The following METTL24 variants were observed in gnomAD, a reference collection of about 807,000 sequenced individuals.
The protein encoded by METTL24 is methyltransferase like 24, also known as probable methyltransferase-like protein 24.
In METTL24, 29 loss-of-function variants were observed where a neutral mutation model predicts 32.7. The ratio of observed to expected loss-of-function variants is 0.89; its 90% CI spans 0.66 to 1.21. METTL24 has a LOEUF of 1.21. Among genes scored for constraint, METTL24 ranks in the 50% most tolerant of loss-of-function variants. The pLI is 0.00. For missense variants in METTL24, 439 were observed against 468.1 expected (o/e 0.94, Z 0.57); for synonymous variants, 163 against 179.5 (o/e 0.91, Z 0.73).
At chr6:110,303,057 G>A (rs1393463607) in intron 3 of METTL24, among the ~76,000 whole-genome samples, 1 of 151,980 alleles carries the variant, frequency 6.6e-6, no homozygotes, top group Non-Finnish European at 1.5e-5. Context: ...GGAAGCACAG[G>A]GGGTCGGGAA....
chr6:110,322,924 G>A (rs1771955350), intron 1 of METTL24, 52 bp from the exon 2 acceptor site: 1 of 1,430,168 alleles, frequency 7.0e-7, no homozygotes, highest in Non-Finnish European at 9.8e-7. Context: ...AACTGGGTGG[G>A]AGGAGAAGGA....
At chr6:110,248,833 G>A (rs1778220732) in intron 4 of METTL24, among the ~76,000 whole-genome samples, 1 of 151,886 alleles carries the variant, frequency 6.6e-6, no homozygotes, top group Non-Finnish European at 1.5e-5. Context: ...CTCCTGCCCT[G>A]GCATGTCCAT....
intron 2 of METTL24, among the ~76,000 whole-genome samples, chr6:110,321,528 C>T (rs777909990): frequency 6.6e-6 from 1 of 152,152 alleles, no homozygotes; most frequent in African/African-American, 2.4e-5. Flanking sequence ...TTGAAAATCA[C>T]AGTTAAAAGG....
chr6:110,283,046 T>A (rs1420318124), intron 4 of METTL24, among the ~76,000 whole-genome samples: 1 of 152,180 alleles, frequency 6.6e-6, no homozygotes. Flanking sequence ...TTAAACTAGC[T>A]ATATAACATA....
intron 4 of METTL24, among the ~76,000 whole-genome samples, chr6:110,271,389 T>G (rs1007097657): frequency 6.6e-6 from 1 of 152,128 alleles, no homozygotes; most frequent in African/African-American, 2.4e-5. Context: ...CCCACCTCCC[T>G]CGCACAAGCA....
chr6:110,339,741 T>C (rs1340107627), intron 1 of METTL24, among the ~76,000 whole-genome samples: 1 of 152,240 alleles, frequency 6.6e-6, no homozygotes, highest in African/African-American at 2.4e-5. Context: ...GTTTCAATCA[T>C]ACTTTATTGT....
rs572303193 is a variant in METTL24, at chr6:110,358,000, C to T, written c.273G>A (p.Thr91=). 3.7e-3 allele frequency: 4,274 copies of T among 1,168,284 alleles called. 128 individuals are homozygous for T. In the African/African-American group the frequency reaches 0.062, roughly 17 times the overall value. 72.4% of individuals were successfully genotyped at this position (1,168,284 alleles called of 1,614,324 possible). The change falls in exon 1 of 5, where the codon ACG becomes ACA. Residue 91 remains threonine, a synonymous_variant. Coordinates refer to ENST00000338882, the MANE Select transcript of METTL24 (RefSeq NM_001123364.3). ...GCGGGGCACAGCAGCCAGGCTCCGG[C>T]GTCCCGCTCCCGCCGCCCCCCGGCG... ...RAPPGGGGSG[T]PEPGCCAPRG...
chr6:110,336,022 G>A (rs1772219829), intron 1 of METTL24, among the ~76,000 whole-genome samples: 1 of 152,224 alleles, frequency 6.6e-6, no homozygotes, highest in African/African-American at 2.4e-5. Flanking sequence ...CAAAATGGCT[G>A]TCTTGCACTG....
chr6:110,295,809 G>T (rs2114729066), intron 4 of METTL24, among the ~76,000 whole-genome samples: 1 of 150,904 alleles, frequency 6.6e-6, no homozygotes, highest in East Asian at 2.0e-4. Context: ...AAGGAAGGAA[G>T]GAAGGAAGGA....
chr6:110,300,926 A>G (rs1771506962), intron 3 of METTL24, among the ~76,000 whole-genome samples: 1 of 152,276 alleles, frequency 6.6e-6, no homozygotes. Context: ...GAAATGATTT[A>G]AATTATGCAG....
chr6:110,251,440 T>C (rs1177826609), intron 4 of METTL24, among the ~76,000 whole-genome samples: 2 of 152,226 alleles, frequency 1.3e-5, no homozygotes, highest in Admixed American at 1.3e-4. Flanking sequence ...GAACCTGGGA[T>C]ATTCAATGGA....
At chr6:110,350,770 A>ATAAC (rs1772582348) in intron 1 of METTL24, among the ~76,000 whole-genome samples, 1 of 78,698 alleles carries the variant, frequency 1.3e-5, no homozygotes, top group African/African-American at 5.0e-5. Flanking sequence ...AACAAAATAA[A>ATAAC]ATAAAATAAA....
At position 110,358,019 on chromosome 6, in the gene METTL24, C is replaced by A. The variant is rs1263622341; in HGVS notation, c.254G>T (p.Gly85Val). The change falls in exon 1 of 5, where the codon GGG (glycine) becomes GTG (valine). Residue 85 changes from glycine to valine, a missense_variant. Coordinates refer to ENST00000338882, the MANE Select transcript of METTL24 (RefSeq NM_001123364.3). ...CTCCGGCGTCCCGCTCCCGCCGCCC[C>A]CCGGCGGCGCCCGGCGACCGCTGCG... ...YVRSGRRAPP[G>V]GGGSGTPEPG... 4 of 1,137,300 alleles carry A rather than the reference C, an allele frequency of 3.5e-6. No homozygotes were observed. The highest frequency in any genetic ancestry group is 4.3e-6 in the Non-Finnish European group (4 of 928,300). The allele number at this position is 1,137,300 out of a possible 1,614,324, so 70.5% of individuals were successfully genotyped here. A position where few individuals can be genotyped will look rare whatever the true frequency, so the allele number is the denominator to read the frequency against.
At chr6:110,352,439 G>T (rs1772623948) in intron 1 of METTL24, among the ~76,000 whole-genome samples, 1 of 152,032 alleles carries the variant, frequency 6.6e-6, no homozygotes, top group African/African-American at 2.4e-5. Flanking sequence ...TAAAATTCGT[G>T]GGCCAAATTT....
In METTL24 at chr6:110,320,137, C is replaced by T. The variant is rs566560285; in HGVS notation, c.417+2637G>A. On this transcript the variant is annotated intron_variant, in intron 2 of 4. Coordinates refer to ENST00000338882, the MANE Select transcript of METTL24 (RefSeq NM_001123364.3). ...ATGCACATACCAAATGCTGGCCTTG[C>T]TGTACAAGCTTGAGCACAGATTTGA... Among the ~76,000 whole-genome samples the T allele has an allele frequency of 2.0e-5, 3 of 152,304 alleles. No homozygotes were observed. In the South Asian group the frequency reaches 6.2e-4, roughly 32 times the overall value.
At chr6:110,352,264 G>A (rs996961914) in intron 1 of METTL24, among the ~76,000 whole-genome samples, 14 of 152,094 alleles carry the variant, frequency 9.2e-5, no homozygotes, top group African/African-American at 3.4e-4. Flanking sequence ...GAAAATAATT[G>A]CTAATTTTAA....
chr6:110,347,785 T>C (rs1772506996), intron 1 of METTL24, among the ~76,000 whole-genome samples: 1 of 152,028 alleles, frequency 6.6e-6, no homozygotes, highest in South Asian at 2.1e-4. Flanking sequence ...TATTTGTAAT[T>C]AGCTTTGAGA....
intron 4 of METTL24, among the ~76,000 whole-genome samples, chr6:110,252,690 G>A (rs575775499): frequency 6.6e-6 from 1 of 152,260 alleles, no homozygotes; most frequent in East Asian, 1.9e-4. Context: ...GCTAGTAAAA[G>A]TGTGAGCCAT....
chr6:110,343,395 T>C (rs1772402444), intron 1 of METTL24, among the ~76,000 whole-genome samples: 1 of 152,246 alleles, frequency 6.6e-6, no homozygotes, highest in South Asian at 2.1e-4. Flanking sequence ...GAGTGCTTCC[T>C]ATGGACAAGG....
Sources: allele counts gnomAD v4.1 joint callset (sites outside exome capture counted in the v4.1 genomes callset), GRCh38; gene constraint gnomAD v4.1.1; transcripts MANE v1.5; gene names NCBI Gene and HGNC (gene_info 2026-07-23, HGNC 2026-07-21).